Variants in STARD13 observed in about 807,000 individuals in gnomAD.
STARD13 encodes StAR related lipid transfer domain containing 13.
A neutral mutation model predicts 106.4 loss-of-function variants in STARD13; 62 were observed. That is an observed-to-expected ratio of 0.58 (90% CI 0.48 to 0.72). STARD13 has a LOEUF of 0.72. STARD13 is among the 30% of genes least tolerant of loss of function. STARD13 has a pLI of 0.00. For synonymous variants in STARD13, 565 were observed against 553.0 expected, an observed-to-expected ratio of 1.02 and a Z score of -0.31; for missense variants, 1,387 against 1,424.0, an observed-to-expected ratio of 0.97 and a Z score of 0.42.
chr13:33,662,168 A>C, the STARD13 span, among the ~76,000 whole-genome samples: 2 of 151,842 alleles, frequency 1.3e-5, no homozygotes, highest in Non-Finnish European at 2.9e-5. Context: ...AAGCTGAGGC[A>C]GGAGAATGGC....
chr13:33,195,280 G>A (rs1594087034), intron 1 of STARD13, among the ~76,000 whole-genome samples: 1 of 152,210 alleles, frequency 6.6e-6, no homozygotes, highest in Non-Finnish European at 1.5e-5. Flanking sequence ...CACTATTTCA[G>A]TAATCCCCTG....
chr13:33,499,584 T>C, the STARD13 span, among the ~76,000 whole-genome samples: 20 of 69,932 alleles, frequency 2.9e-4, 2 homozygotes, highest in Middle Eastern at 0.014. Context: ...TTCTTCTTCT[T>C]CTTCTTCTTC....
At chr13:33,142,881 C>G (rs192779923) in intron 3 of STARD13, among the ~76,000 whole-genome samples, 12 of 152,282 alleles carry the variant, frequency 7.9e-5, no homozygotes, top group Admixed American at 5.9e-4. Flanking sequence ...TACGTTGAAG[C>G]CCTCCATTCA....
chr13:33,360,860 A>G, the STARD13 span, among the ~76,000 whole-genome samples: 1 of 145,648 alleles, frequency 6.9e-6, no homozygotes, highest in Non-Finnish European at 1.5e-5. Context: ...CAGTGGCGCA[A>G]TCTGAGCTCA....
chr13:33,174,194 T>C (rs1185762209), intron 1 of STARD13, among the ~76,000 whole-genome samples: 3 of 152,158 alleles, frequency 2.0e-5, no homozygotes, highest in Non-Finnish European at 2.9e-5. Context: ...CCATAGATAT[T>C]ACGACATATG....
intron 1 of STARD13, among the ~76,000 whole-genome samples, chr13:33,313,089 C>T (rs2321164): frequency 0.44 from 66,217 of 152,076 alleles, 16,407 homozygotes; most frequent in South Asian, 0.61. Context: ...ATATGAAAGA[C>T]TGTAGATTGT....
intron 3 of STARD13, among the ~76,000 whole-genome samples, 173 bp from the exon 4 acceptor site, chr13:33,142,546 C>T (rs764030310): frequency 2.4e-4 from 36 of 152,186 alleles, no homozygotes; most frequent in Non-Finnish European, 3.8e-4. Context: ...CATTTGTGCT[C>T]CAGCCTCCTG....
chr13:33,201,167 C>G (rs1175280447), intron 1 of STARD13, among the ~76,000 whole-genome samples: 2 of 152,210 alleles, frequency 1.3e-5, no homozygotes, highest in Non-Finnish European at 2.9e-5. Context: ...TTCCTGCCCA[C>G]TAGCAATCCT....
At chr13:33,451,889 C>T in the STARD13 span, among the ~76,000 whole-genome samples, 1 of 152,104 alleles carries the variant, frequency 6.6e-6, no homozygotes, top group Non-Finnish European at 1.5e-5. Context: ...AAATTGATAC[C>T]TCTGAAGTCA....
At chr13:33,208,548 G>A (rs1887542480) in intron 1 of STARD13, among the ~76,000 whole-genome samples, 1 of 152,198 alleles carries the variant, frequency 6.6e-6, no homozygotes, top group Non-Finnish European at 1.5e-5. Context: ...TACCAGCTCA[G>A]GTAGCAATTA....
the STARD13 span, among the ~76,000 whole-genome samples, chr13:33,446,882 A>T: frequency 6.6e-6 from 1 of 152,208 alleles, no homozygotes; most frequent in African/African-American, 2.4e-5. Context: ...AAAAAACATG[A>T]CTGTAGTTTT....
chr13:33,517,289 A>G, the STARD13 span, among the ~76,000 whole-genome samples: 1 of 152,210 alleles, frequency 6.6e-6, no homozygotes, highest in Admixed American at 6.5e-5. Context: ...CGTTTTGCCT[A>G]CCTCTACCTC....
intron 1 of STARD13, among the ~76,000 whole-genome samples, chr13:33,284,950 A>T (rs1266733182): frequency 6.6e-6 from 1 of 152,192 alleles, no homozygotes; most frequent in African/African-American, 2.4e-5. Flanking sequence ...CATCTGTGGC[A>T]ACTGCTGACA....
At chr13:33,163,589 C>CAAA (rs577772737) in intron 3 of STARD13, among the ~76,000 whole-genome samples, 34 of 53,668 alleles carry the variant, frequency 6.3e-4, no homozygotes, top group East Asian at 2.8e-3. Context: ...GACTCTGTCT[C>CAAA]AAAAAAAAAA....
At chr13:33,562,514 T>TTA in the STARD13 span, among the ~76,000 whole-genome samples, 7 of 146,810 alleles carry the variant, frequency 4.8e-5, no homozygotes, top group East Asian at 2.0e-4. Flanking sequence ...ATATGGTAAT[T>TTA]TATATATATA....
In STARD13 at chr13:33,142,343, T is replaced by C; in HGVS notation, c.354A>G (p.Ser118=). 1.2e-6 allele frequency: 2 copies of C among 1,614,090 alleles called. No homozygotes were observed. Among genetic ancestry groups the C allele is most frequent in the Non-Finnish European group, 1.7e-6 (2 of 1,180,002 alleles). Residue 118 remains serine (S), a synonymous_variant, in exon 4 of 14, where the codon TCA becomes TCG. Transcript: ENST00000336934. ...RRLNTLNKCA[S]MKLDVNFQRK... is the part of the protein sequence containing the mutation. Reference sequence around the variant, plus strand: ...TTTGGAAGTTCACATCAAGTTTCATTGAGGCACACTTGTTCAACGTATTTA... The same window carrying C: ...TTTGGAAGTTCACATCAAGTTTCATCGAGGCACACTTGTTCAACGTATTTA...
At chr13:33,632,304 C>T in the STARD13 span, among the ~76,000 whole-genome samples, 7 of 152,254 alleles carry the variant, frequency 4.6e-5, no homozygotes, top group Middle Eastern at 3.4e-3. Context: ...CCTAGTGAGC[C>T]AATTCATCAC....
the STARD13 span, among the ~76,000 whole-genome samples, chr13:33,669,530 C>CTTTTTTTT: frequency 9.7e-6 from 1 of 103,156 alleles, no homozygotes; most frequent in Non-Finnish European, 1.9e-5. Flanking sequence ...AGAGGATGTT[C>CTTTTTTTT]TTTTTTTTTT....
the STARD13 span, among the ~76,000 whole-genome samples, chr13:33,579,979 A>G: frequency 6.6e-6 from 1 of 152,152 alleles, no homozygotes; most frequent in East Asian, 1.9e-4. Context: ...AAAATGGTAT[A>G]GCTGCTTGGG....
Sources: gnomAD v4.1 joint callset for allele counts (sites outside exome capture counted in the v4.1 genomes callset) on GRCh38, gnomAD v4.1.1 for gene constraint, MANE v1.5 for transcripts, NCBI Gene and HGNC (gene_info 2026-07-23, HGNC 2026-07-21) for gene names.